RAP1GDS1: variants seen among roughly 807,000 people sequenced by gnomAD.
RAP1GDS1 encodes the protein Rap1 GTPase-GDP dissociation stimulator 1, also known as RAP1, GTP-GDP dissociation stimulator 1.
In RAP1GDS1, 35 loss-of-function variants were observed where a neutral mutation model predicts 71.1. That is an observed-to-expected ratio of 0.49 (90% CI 0.38 to 0.65). The LOEUF (loss-of-function observed/expected upper bound fraction) is 0.65. RAP1GDS1 is among the 30% of genes least tolerant of loss of function. The pLI is 0.00. For missense variants in RAP1GDS1, 663 were observed against 706.1 expected (o/e 0.94, Z 0.69); for synonymous variants, 229 against 243.1 (o/e 0.94, Z 0.54).
chr4:98,427,397 T>C (rs1749764937), intron 12 of RAP1GDS1, among the ~76,000 whole-genome samples: 1 of 152,086 alleles, frequency 6.6e-6, no homozygotes, highest in African/African-American at 2.4e-5. Flanking sequence ...ATAAAGGTCA[T>C]CCACATCGGT....
intron 7 of RAP1GDS1, among the ~76,000 whole-genome samples, chr4:98,407,236 TTC>T (rs1178889785): frequency 2.0e-5 from 3 of 152,178 alleles, no homozygotes; most frequent in Non-Finnish European, 4.4e-5. Flanking sequence ...TATTTGAATC[TTC>T]TCTCTTTTTT....
At chr4:98,391,906 T>C (rs753165798) in intron 5 of RAP1GDS1, 46 bp from the exon 6 acceptor site, 3 of 1,525,634 alleles carry the variant, frequency 2.0e-6, no homozygotes, top group Non-Finnish European at 2.6e-6. Context: ...TCATTTGACA[T>C]GTCAACACTT....
At chr4:98,386,967 A>G (rs1179016968) in intron 5 of RAP1GDS1, among the ~76,000 whole-genome samples, 3 of 152,068 alleles carry the variant, frequency 2.0e-5, no homozygotes, top group Admixed American at 6.6e-5. Context: ...AGTTTTCTTC[A>G]GTCTTTATTA....
intron 1 of RAP1GDS1, among the ~76,000 whole-genome samples, chr4:98,272,786 T>C (rs1723659544): frequency 6.6e-6 from 1 of 152,104 alleles, no homozygotes; most frequent in South Asian, 2.1e-4. Context: ...TTGTATAAAA[T>C]CCACTTTTCA....
chr4:98,342,970 A>C (rs906966870), intron 2 of RAP1GDS1, among the ~76,000 whole-genome samples, 169 bp from the exon 3 acceptor site: 1 of 152,060 alleles, frequency 6.6e-6, no homozygotes, highest in African/African-American at 2.4e-5. Context: ...AAATAAAAGC[A>C]GCTTGTGGAG....
Position 98,341,733 on chromosome 4 carries a change from G to A in RAP1GDS1, c.113-1406G>A, listed in dbSNP as rs189141064. ...TTTGCTTAAAAAAAAAAAAATCTTA[G>A]GTGTCACATTTTCACGTGGTTCCTT... On this transcript the variant is annotated intron_variant, in intron 2 of 14. Transcript: ENST00000408927. Among the ~76,000 whole-genome samples the A allele has an allele frequency of 2.5e-3, 373 of 151,944 alleles. 1 individual carries two copies. Among genetic ancestry groups the A allele is most frequent in the Non-Finnish European group, 3.8e-3 (261 of 67,970 alleles).
chr4:98,436,835 T>C (rs927918489), intron 13 of RAP1GDS1, 105 bp from the exon 14 acceptor site: 10 of 1,115,548 alleles, frequency 9.0e-6, no homozygotes, highest in Non-Finnish European at 1.1e-5. Flanking sequence ...TATTTATCAG[T>C]TCCATTTAGA....
intron 5 of RAP1GDS1, among the ~76,000 whole-genome samples, chr4:98,380,638 T>C (rs1741866933): frequency 6.6e-6 from 1 of 151,764 alleles, no homozygotes; most frequent in Non-Finnish European, 1.5e-5. Flanking sequence ...TAAATACATA[T>C]TTCCTAAATA....
chr4:98,340,152 A>G (rs1735287102), intron 2 of RAP1GDS1, among the ~76,000 whole-genome samples: 1 of 152,238 alleles, frequency 6.6e-6, no homozygotes, highest in Admixed American at 6.5e-5. Flanking sequence ...CAGAACTACC[A>G]TTCTACCCAA....
chr4:98,268,487 A>G (rs1344797772), intron 1 of RAP1GDS1, among the ~76,000 whole-genome samples: 1 of 152,184 alleles, frequency 6.6e-6, no homozygotes, highest in African/African-American at 2.4e-5. Flanking sequence ...CAAGAAAAAG[A>G]AATTAAAAAG....
chr4:98,398,883 C>G (rs186775654), intron 6 of RAP1GDS1, among the ~76,000 whole-genome samples: 41 of 152,190 alleles, frequency 2.7e-4, no homozygotes, highest in African/African-American at 9.2e-4. Flanking sequence ...GAAAGACCTA[C>G]AAGGAAAACT....
At position 98,296,871 on chromosome 4, in the gene RAP1GDS1, A is replaced by T. The variant is rs556886103; in HGVS notation, c.112+3356A>T. 4 of 375,376 alleles carry T rather than the reference A, an allele frequency of 1.1e-5. No individual in the cohort carries two copies. The East Asian group carries it at 4.0e-4, about 38-fold the overall frequency. The allele number at this position is 375,376 out of a possible 1,614,324, so 23.3% of individuals were successfully genotyped here. A position where few individuals can be genotyped will look rare whatever the true frequency, so the allele number is the denominator to read the frequency against. On this transcript the variant is annotated intron_variant, in intron 2 of 14. Transcript: ENST00000408927. ...AAAGTCCCAAAGGCAAGAAAAATTAACATTCTATTTGTAATAAAAATTCTA... is the reference window on the plus strand; with the variant it reads ...AAAGTCCCAAAGGCAAGAAAAATTATCATTCTATTTGTAATAAAAATTCTA...
intron 3 of RAP1GDS1, among the ~76,000 whole-genome samples, chr4:98,351,051 A>G (rs1737109160): frequency 6.6e-6 from 1 of 152,138 alleles, no homozygotes; most frequent in African/African-American, 2.4e-5. Flanking sequence ...GTCTAAAGTA[A>G]CCATTAACTA....
intron 1 of RAP1GDS1, among the ~76,000 whole-genome samples, chr4:98,283,551 C>T (rs891183244): frequency 2.6e-5 from 4 of 151,832 alleles, no homozygotes; most frequent in East Asian, 1.9e-4. Context: ...AGAAAATGAG[C>T]GATAAAAAAG....
chr4:98,391,986 T>C lies in RAP1GDS1; in HGVS notation c.543T>C (p.Val181=). ...AAGCTCAGCTTATCAATATGGGTGT[T>C]ATTCCTACCTTAGTGAAATTACTGG... ...SLQAQLINMG[V]IPTLVKLLGI... The change falls in exon 6 of 15, where the codon GTT becomes GTC. Residue 181 remains valine, a synonymous_variant. Coordinates refer to ENST00000408927, the MANE Select transcript of RAP1GDS1 (RefSeq NM_001100427.2). 1.2e-6 allele frequency: 2 copies of C among 1,610,922 alleles called. No homozygotes were observed. Among genetic ancestry groups the C allele is most frequent in the East Asian group, 2.2e-5 (1 of 44,734 alleles).
Position 98,433,922 on chromosome 4 carries a change from A to G in RAP1GDS1, c.1441-14A>G. 1 of 1,590,844 alleles carries G rather than the reference A, an allele frequency of 6.3e-7. No individual in the cohort carries two copies. Among genetic ancestry groups the G allele is most frequent in the Non-Finnish European group, 8.6e-7 (1 of 1,160,984 alleles). ...AAATTAAAGTCTATAATTCTCTGAT[A>G]TTATTTATTGTAGGATGTAATTAAA... On this transcript the variant is annotated splice_polypyrimidine_tract_variant and intron_variant, in intron 12 of 14. Transcript: ENST00000408927.
At chr4:98,375,532 A>G (rs1461087957) in intron 4 of RAP1GDS1, among the ~76,000 whole-genome samples, 1 of 152,210 alleles carries the variant, frequency 6.6e-6, no homozygotes, top group Admixed American at 6.5e-5. Flanking sequence ...AAGATACTAA[A>G]CCACAGAATA....
chr4:98,442,125 C>T lies in RAP1GDS1; in HGVS notation c.*8C>T. 6.2e-7 allele frequency: 1 copy of T among 1,611,636 alleles called. No homozygotes were observed. The highest frequency in any genetic ancestry group is 8.5e-7 in the Non-Finnish European group (1 of 1,179,692). ...CTTACTGTGGAAAGCTGAGAACTGCCCGATACACGGCATCATCCCATCTCT... is the reference window on the plus strand; with the variant it reads ...CTTACTGTGGAAAGCTGAGAACTGCTCGATACACGGCATCATCCCATCTCT... On this transcript the variant is annotated 3_prime_UTR_variant, in exon 15 of 15. Transcript: ENST00000408927.
At chr4:98,343,421 T>A in intron 3 of RAP1GDS1, 160 bp downstream of exon 3, 1 of 896,576 alleles carries the variant, frequency 1.1e-6, no homozygotes, top group Non-Finnish European at 1.7e-6. Flanking sequence ...TTTAAATGGC[T>A]ATAGTTACAG....
Sources: gnomAD v4.1 joint callset for allele counts (sites outside exome capture counted in the v4.1 genomes callset) on GRCh38, gnomAD v4.1.1 for gene constraint, MANE v1.5 for transcripts, NCBI Gene and HGNC (gene_info 2026-07-23, HGNC 2026-07-21) for gene names.